Variants in SMPD4 observed in about 807,000 individuals in gnomAD.
SMPD4 encodes the protein neutral sphingomyelinase 3.
In SMPD4, 58 loss-of-function variants were observed where a neutral mutation model predicts 97.8. The ratio of observed to expected loss-of-function variants is 0.59; its 90% confidence interval spans 0.48 to 0.74. The LOEUF (loss-of-function observed/expected upper bound fraction) is 0.74. SMPD4 is among the 30% of genes least tolerant of loss of function. SMPD4 has a pLI of 0.00. For synonymous variants in SMPD4, 388 were observed against 450.0 expected, an observed-to-expected ratio of 0.86 and a Z score of 1.74; for missense variants, 853 against 1,080.5, an observed-to-expected ratio of 0.79 and a Z score of 2.95.
At position 130,152,609 on chromosome 2, in the gene SMPD4, G is replaced by C. The variant is rs1337831463; in HGVS notation, c.2430C>G (p.Leu810=). 2 of 1,552,738 alleles carry C rather than the reference G, an allele frequency of 1.3e-6. No individual in the cohort carries two copies. Among genetic ancestry groups the C allele is most frequent in the East Asian group, 4.9e-5 (2 of 41,160 alleles). Residue 810 remains leucine, a synonymous_variant, in exon 20 of 20, where the codon CTC becomes CTG. Coordinates refer to ENST00000680298, the MANE Select transcript of SMPD4 (RefSeq NM_017951.5). ...CTLLLTLGYV[L]YASAMTLLTE... ...TCAGCAGTGTCATGGCAGAGGCGTAGAGGACATAGCCCAGGGTGAGCAGCA... is the reference window on the plus strand; with the variant it reads ...TCAGCAGTGTCATGGCAGAGGCGTACAGGACATAGCCCAGGGTGAGCAGCA...
At chr2:130,172,928 G>C (rs746246937) in intron 5 of SMPD4, 33 bp from the exon 6 acceptor site, 5 of 1,588,928 alleles carry the variant, frequency 3.1e-6, no homozygotes, top group South Asian at 1.1e-5. Context: ...TTGTGGGCAG[G>C]TGCTGGTGCG....
chr2:130,162,241 G>C (rs554167224), intron 10 of SMPD4, among the ~76,000 whole-genome samples: 1 of 152,352 alleles, frequency 6.6e-6, no homozygotes, highest in East Asian at 1.9e-4. Flanking sequence ...AGGACCCTCC[G>C]ACCTGCTGCC....
Position 130,178,188 on chromosome 2 carries a change from A to G in SMPD4, c.-45-1551T>C, listed in dbSNP as rs1210904761. 2.7e-5 allele frequency among the ~76,000 whole-genome samples: 4 copies of G among 148,904 alleles called. No homozygotes were observed. In the East Asian group the frequency reaches 8.0e-4, roughly 30 times the overall value. On this transcript the variant is annotated intron_variant, in intron 1 of 19. Coordinates refer to ENST00000680298, the MANE Select transcript of SMPD4 (RefSeq NM_017951.5). Reference sequence around the variant, plus strand: ...CTGGACTTCTGCATACATAACTATGAGATAATAAATGGATGCCGGTTTAAG... The same window carrying G: ...CTGGACTTCTGCATACATAACTATGGGATAATAAATGGATGCCGGTTTAAG...
intron 8 of SMPD4, among the ~76,000 whole-genome samples, chr2:130,169,649 G>A (rs1688252331): frequency 6.6e-6 from 1 of 151,714 alleles, no homozygotes; most frequent in South Asian, 2.1e-4. Flanking sequence ...CATTGCTCCT[G>A]GGCACAAGTG....
chr2:130,158,704 G>A (rs559394819), intron 11 of SMPD4, among the ~76,000 whole-genome samples: 6 of 152,256 alleles, frequency 3.9e-5, no homozygotes, highest in South Asian at 4.2e-4. Flanking sequence ...TGGGCGCATC[G>A]AGAGTAGACG....
intron 14 of SMPD4, 23 bp from the exon 15 acceptor site, chr2:130,155,282 G>A (rs754765318): frequency 5.6e-6 from 9 of 1,613,336 alleles, no homozygotes; most frequent in Non-Finnish European, 7.6e-6. Flanking sequence ...GTGGCAGGTT[G>A]GGGCCAGCCT....
chr2:130,175,417 C>T (rs1688889148), intron 2 of SMPD4, among the ~76,000 whole-genome samples: 1 of 152,160 alleles, frequency 6.6e-6, no homozygotes, highest in Non-Finnish European at 1.5e-5. Context: ...TGATGGACCA[C>T]CGTGATTACA....
chr2:130,181,723 C>T (rs771944856), upstream of SMPD4: 25 of 1,548,786 alleles, frequency 1.6e-5, no homozygotes, highest in Non-Finnish European at 2.1e-5. Context: ...AGAGAAATGG[C>T]GAGGCAGGAG....
In SMPD4 at chr2:130,156,453, G is replaced by A. The variant is rs1336744752; in HGVS notation, c.1188+132C>T. 11 of 889,880 alleles carry A rather than the reference G, an allele frequency of 1.2e-5. No homozygotes were observed. In the Admixed American group the frequency reaches 2.7e-4, roughly 22 times the overall value. 55.1% of individuals were successfully genotyped at this position (889,880 alleles called of 1,614,324 possible). On this transcript the variant is annotated intron_variant, in intron 13 of 19. Coordinates refer to ENST00000680298, the MANE Select transcript of SMPD4 (RefSeq NM_017951.5). ...AAACTCAAACAGAAAGAACAATGTG[G>A]CCCTCCAAGACCCCCTCCTTGCCAA...
intron 13 of SMPD4, 71 bp from the exon 14 acceptor site, chr2:130,156,206 C>A: frequency 7.2e-7 from 1 of 1,380,252 alleles, no homozygotes; most frequent in Non-Finnish European, 1.0e-6. Flanking sequence ...AGCCCAGATA[C>A]CAGGCGGCAG....
chr2:130,170,647 C>G (rs1175877054), intron 8 of SMPD4, among the ~76,000 whole-genome samples: 4 of 151,700 alleles, frequency 2.6e-5, no homozygotes, highest in Non-Finnish European at 5.9e-5. Flanking sequence ...GCTTATAGTA[C>G]TAGCTACTTG....
At chr2:130,155,432 C>T (rs1317414081) in intron 14 of SMPD4, among the ~76,000 whole-genome samples, 173 bp from the exon 15 acceptor site, 1 of 152,086 alleles carries the variant, frequency 6.6e-6, no homozygotes, top group Non-Finnish European at 1.5e-5. Flanking sequence ...GCAGGGAGGA[C>T]AGGACAGAGG....
At position 130,163,828 on chromosome 2, in the gene SMPD4, G is replaced by A. The variant is rs1375625136; in HGVS notation, c.864+546C>T. Reference sequence around the variant, plus strand: ...CGTGCTGCCCAGAGAGAGAGAGCAGGGACAGGCGAGGCGGAGGGAGAGGAG... The same window carrying A: ...CGTGCTGCCCAGAGAGAGAGAGCAGAGACAGGCGAGGCGGAGGGAGAGGAG... On this transcript the variant is annotated intron_variant, in intron 10 of 19. Coordinates refer to ENST00000680298, the MANE Select transcript of SMPD4 (RefSeq NM_017951.5). Among the ~76,000 whole-genome samples, 4 of 152,346 alleles carry A rather than the reference G, an allele frequency of 2.6e-5. No homozygotes were observed. In the East Asian group the frequency reaches 7.7e-4, roughly 29 times the overall value.
chr2:130,157,282 G>A lies in SMPD4; in HGVS notation c.1066C>T (p.His356Tyr). The A allele has an allele frequency of 6.4e-7, 1 of 1,559,974 alleles. No individual in the cohort carries two copies. Among genetic ancestry groups the A allele is most frequent in the Non-Finnish European group, 8.7e-7 (1 of 1,151,682 alleles). ...AACTCCTCCAGGGGGCTGGTGGCGTGGGAGTGGGCGGAGGGTGAGGCCTGC... is the reference window on the plus strand; with the variant it reads ...AACTCCTCCAGGGGGCTGGTGGCGTAGGAGTGGGCGGAGGGTGAGGCCTGC... ...PEQASPSAHSHATSPLEEFKR... is the reference protein window; with the variant it reads ...PEQASPSAHSYATSPLEEFKR... The change falls in exon 12 of 20, where the codon CAC becomes TAC. Residue 356 changes from histidine to tyrosine, a missense_variant. Physicochemically the swap from His to Tyr is moderately conservative, Grantham distance 83. Transcript: ENST00000680298.
intron 8 of SMPD4, among the ~76,000 whole-genome samples, chr2:130,170,886 C>T (rs1688391061): frequency 6.6e-6 from 1 of 151,884 alleles, no homozygotes; most frequent in Admixed American, 6.6e-5. Context: ...CATGGTGAAA[C>T]CCCGTTACTA....
At position 130,151,879 on chromosome 2, in the gene SMPD4, TG is replaced by T. The variant is rs1406676005; in HGVS notation, c.*675del. 1.3e-5 allele frequency: 2 copies of T among 152,362 alleles called. No individual in the cohort carries two copies. The highest frequency in any genetic ancestry group is 2.9e-5 in the Non-Finnish European group (2 of 68,062). The allele number at this position is 152,362 out of a possible 1,614,324, so 9.4% of individuals were successfully genotyped here. A position where few individuals can be genotyped will look rare whatever the true frequency, so the allele number is the denominator to read the frequency against. On this transcript the variant is annotated 3_prime_UTR_variant, in exon 20 of 20. Transcript: ENST00000680298. Reference sequence around the variant, plus strand: ...GACAAGGCACAGGGGTCCGCGATGTTGGCCACTGCTTTGGGTGATGTGCTCA... The same window carrying T: ...GACAAGGCACAGGGGTCCGCGATGTTGCCACTGCTTTGGGTGATGTGCTCA...
At chr2:130,170,858 T>C (rs560379286) in intron 8 of SMPD4, among the ~76,000 whole-genome samples, 2 of 151,670 alleles carry the variant, frequency 1.3e-5, no homozygotes, top group South Asian at 4.2e-4. Context: ...GTCAGGAGTT[T>C]GAGGCCAGCC....
At chr2:130,166,180 G>A (rs1343844412) in intron 9 of SMPD4, among the ~76,000 whole-genome samples, 4 of 151,760 alleles carry the variant, frequency 2.6e-5, no homozygotes, top group African/African-American at 4.8e-5. Flanking sequence ...ATGGCAGTGG[G>A]CACCTGTAAT....
intron 1 of SMPD4, among the ~76,000 whole-genome samples, chr2:130,179,170 C>A (rs570656191): frequency 6.7e-6 from 1 of 148,952 alleles, no homozygotes; most frequent in African/African-American, 2.5e-5. Flanking sequence ...GTTGCCCAGG[C>A]TAGAGTCCTG....
Sources: allele counts gnomAD v4.1 joint callset (sites outside exome capture counted in the v4.1 genomes callset), GRCh38; gene constraint gnomAD v4.1.1; transcripts MANE v1.5; gene names NCBI Gene and HGNC (gene_info 2026-07-23, HGNC 2026-07-21).